Variants in MATN2 observed in about 807,000 individuals in gnomAD.
MATN2 encodes the protein matrilin-2.
MATN2 carries 69 observed loss-of-function variants against 103.2 expected under a neutral mutation model. The ratio of observed to expected loss-of-function variants is 0.67; its 90% CI spans 0.55 to 0.82. MATN2 has a LOEUF of 0.82. MATN2 is among the 40% of genes least tolerant of loss of function. The probability of loss-of-function intolerance (pLI) is 0.00; values close to 1 mark genes in which losing one functional copy is unlikely to be tolerated. For missense variants in MATN2, 1,023 were observed against 1,211.5 expected (o/e 0.84, Z 2.31); for synonymous variants, 429 against 450.2 (o/e 0.95, Z 0.60).
At chr8:97,953,148 T>C (rs1811017650) in intron 4 of MATN2, among the ~76,000 whole-genome samples, 2 of 149,684 alleles carry the variant, frequency 1.3e-5, no homozygotes, top group Admixed American at 1.4e-4. Context: ...GTCTTGATCC[T>C]CCTGCGTTGG....
chr8:97,911,475 A>G (rs1209764005), intron 2 of MATN2, among the ~76,000 whole-genome samples: 2 of 151,968 alleles, frequency 1.3e-5, no homozygotes, highest in South Asian at 2.1e-4. Context: ...TTGGGAGGCC[A>G]AGGCAGGCGG....
chr8:97,928,248 G>T (rs11996155), intron 2 of MATN2, among the ~76,000 whole-genome samples: 1 of 136,208 alleles, frequency 7.3e-6, no homozygotes, highest in African/African-American at 2.8e-5. Flanking sequence ...TTTTTCTGAG[G>T]TGGAGTCTTG....
intron 5 of MATN2, among the ~76,000 whole-genome samples, chr8:97,971,517 C>T (rs988740729): frequency 6.6e-6 from 1 of 152,168 alleles, no homozygotes; most frequent in Non-Finnish European, 1.5e-5. Flanking sequence ...TAAGAACCTC[C>T]TCTGCTTTAG....
At chr8:98,011,261 C>T (rs1813149442) in intron 10 of MATN2, among the ~76,000 whole-genome samples, 1 of 152,172 alleles carries the variant, frequency 6.6e-6, no homozygotes, top group African/African-American at 2.4e-5. Context: ...CCAAAGACTC[C>T]ACCTCTGAAT....
At chr8:98,027,330 C>A in intron 13 of MATN2, 86 bp from the exon 14 acceptor site, 1 of 1,228,788 alleles carries the variant, frequency 8.1e-7, no homozygotes, top group Non-Finnish European at 1.1e-6. Context: ...AGTGGTTATG[C>A]CTCCAATTGA....
chr8:98,003,748 G>T lies in MATN2; in HGVS notation c.1292G>T (p.Gly431Val). ...AGCTACTACTGCCGCTGCCACCGTG[G>T]CTACACTCTGGACCCCAATGGCAAA... is the stretch of plus-strand genomic sequence containing the variant. The part of the protein sequence containing the change: ...EESYYCRCHR[G>V]YTLDPNGKTC... Residue 431 changes from glycine (G) to valine (V), a missense_variant, in exon 8 of 19, where the codon GGC becomes GTC. Physicochemically the swap from Gly to Val is moderately radical, Grantham distance 109. Coordinates refer to ENST00000254898, the MANE Select transcript of MATN2 (RefSeq NM_002380.5). 1 of 1,613,298 alleles carries T rather than the reference G, an allele frequency of 6.2e-7. No homozygotes were observed. Among genetic ancestry groups the T allele is most frequent in the Non-Finnish European group, 8.5e-7 (1 of 1,179,620 alleles).
At chr8:98,029,645 G>A (rs941076355) in intron 14 of MATN2, among the ~76,000 whole-genome samples, 1 of 152,212 alleles carries the variant, frequency 6.6e-6, no homozygotes, top group African/African-American at 2.4e-5. Context: ...ACCTTACACA[G>A]ACTCAGAACA....
intron 2 of MATN2, among the ~76,000 whole-genome samples, chr8:97,895,055 T>C (rs774313740): frequency 1.5e-4 from 23 of 152,138 alleles, no homozygotes; most frequent in Non-Finnish European, 3.1e-4. Context: ...GTATTTTTAG[T>C]AGAGACGGGG....
intron 12 of MATN2, among the ~76,000 whole-genome samples, chr8:98,019,108 G>GAT (rs35631363): frequency 0.43 from 63,983 of 147,312 alleles, 14,674 homozygotes; most frequent in Non-Finnish European, 0.53. Flanking sequence ...TATCATAGAA[G>GAT]ATATATATAT....
intron 2 of MATN2, among the ~76,000 whole-genome samples, chr8:97,925,288 C>G (rs1025081290): frequency 2.0e-5 from 3 of 152,148 alleles, no homozygotes; most frequent in African/African-American, 7.2e-5. Context: ...CAGGTGCATA[C>G]TCCTAAGTTA....
Position 98,016,454 on chromosome 8 carries a change from T to C in MATN2, c.1574-86T>C, listed in dbSNP as rs1813357876. 7 of 1,197,418 alleles carry C rather than the reference T, an allele frequency of 5.8e-6. No individual in the cohort carries two copies. In the East Asian group the frequency reaches 1.5e-4, roughly 26 times the overall value. The allele number at this position is 1,197,418 out of a possible 1,614,324, so 74.2% of individuals were successfully genotyped here. On this transcript the variant is annotated intron_variant, in intron 10 of 18. Transcript: ENST00000254898. ...TAAGGCACTGTTTTAATTCAAAGTG[T>C]CTGAAATGTCTTTTATGATTGAATA...
At chr8:97,916,514 T>G (rs1219564720) in intron 2 of MATN2, among the ~76,000 whole-genome samples, 6 of 152,214 alleles carry the variant, frequency 3.9e-5, no homozygotes, top group Admixed American at 6.6e-5. Flanking sequence ...CCATTAGTTA[T>G]TTTTCCTGAT....
rs1379934595 is a variant in MATN2, at chr8:97,941,876, A to G, written c.812A>G (p.Asn271Ser). The change falls in exon 4 of 19, where the codon AAC becomes AGC. Residue 271 changes from asparagine (N) to serine (S), a missense_variant. Asn to Ser is a conservative substitution (Grantham distance 46, BLOSUM62 1). Coordinates refer to ENST00000254898, the MANE Select transcript of MATN2 (RefSeq NM_002380.5). The part of the protein sequence containing the change: ...VCRCKQGYIL[N>S]SDQTTCRIQD... ...AGGTGCAAACAAGGCTACATTCTCA[A>G]CTCGGATCAGACGACTTGCAGAAGT... 2.5e-6 allele frequency: 4 copies of G among 1,613,238 alleles called. No homozygotes were observed.
At chr8:98,009,798 T>G (rs1813097488) in intron 10 of MATN2, among the ~76,000 whole-genome samples, 1 of 152,144 alleles carries the variant, frequency 6.6e-6, no homozygotes, top group Admixed American at 6.5e-5. Flanking sequence ...TCCTTCCCTC[T>G]CTAGACGTTT....
chr8:97,942,310 G>A (rs1249965352), intron 4 of MATN2, among the ~76,000 whole-genome samples: 5 of 152,238 alleles, frequency 3.3e-5, no homozygotes, highest in South Asian at 2.1e-4. Flanking sequence ...TGTTAACCTC[G>A]GCTGGGAGTG....
chr8:97,903,718 C>T (rs552125789), intron 2 of MATN2, among the ~76,000 whole-genome samples: 2 of 152,232 alleles, frequency 1.3e-5, no homozygotes, highest in African/African-American at 4.8e-5. Flanking sequence ...GGTTTTGGGT[C>T]TATTTTGGGG....
chr8:97,998,323 A>G (rs1812661541), intron 7 of MATN2, among the ~76,000 whole-genome samples: 1 of 150,636 alleles, frequency 6.6e-6, no homozygotes, highest in African/African-American at 2.4e-5. Context: ...GATCGAGACC[A>G]TCCTGGCTAA....
intron 6 of MATN2, 115 bp downstream of exon 6, chr8:97,979,123 T>G: frequency 8.1e-7 from 1 of 1,234,270 alleles, no homozygotes; most frequent in South Asian, 1.5e-5. Context: ...CATGGGGGTC[T>G]AATACCTTTT....
intron 2 of MATN2, among the ~76,000 whole-genome samples, chr8:97,917,192 A>G (rs890000934): frequency 4.6e-5 from 7 of 152,190 alleles, no homozygotes; most frequent in African/African-American, 1.7e-4. Context: ...ATTGCCAAGC[A>G]TATTTTGCAT....
Sources: allele counts gnomAD v4.1 joint callset (sites outside exome capture counted in the v4.1 genomes callset), GRCh38; gene constraint gnomAD v4.1.1; transcripts MANE v1.5; gene names NCBI Gene and HGNC (gene_info 2026-07-23, HGNC 2026-07-21).